The following UEVLD variants were observed in gnomAD, a reference collection of about 807,000 sequenced individuals.
The protein encoded by UEVLD is ubiquitin-conjugating enzyme E2 variant 3.
In UEVLD, 47 loss-of-function variants were observed where a neutral mutation model predicts 58.6. That is an observed-to-expected ratio of 0.80 (90% CI 0.63 to 1.02). The LOEUF is 1.02. UEVLD is among the 50% of genes least tolerant of loss of function. The pLI is 0.00. For synonymous variants in UEVLD, 197 were observed against 195.3 expected, an observed-to-expected ratio of 1.01 and a Z score of -0.07; for missense variants, 510 against 550.6, an observed-to-expected ratio of 0.93 and a Z score of 0.74.
intron 8 of UEVLD, among the ~76,000 whole-genome samples, chr11:18,545,486 C>G (rs1427988245): frequency 6.6e-6 from 1 of 151,938 alleles, no homozygotes; most frequent in African/African-American, 2.4e-5. Flanking sequence ...GCTCTGTCCC[C>G]CAGGCTGGAG....
chr11:18,532,759 C>T (rs1006274796), intron 11 of UEVLD, among the ~76,000 whole-genome samples: 4 of 152,200 alleles, frequency 2.6e-5, no homozygotes, highest in Admixed American at 6.5e-5. Context: ...GCTAGCCCCC[C>T]CTGCAATATG....
chr11:18,575,244 T>C, intron 3 of UEVLD, 103 bp downstream of exon 3: 1 of 1,251,740 alleles, frequency 8.0e-7, no homozygotes, highest in South Asian at 1.4e-5. Context: ...AGGTCATATA[T>C]CTGCAATAAT....
rs1850535528 is a variant in UEVLD, at chr11:18,530,834, T to G, written c.*1486A>C. On this transcript the variant is annotated 3_prime_UTR_variant, in exon 12 of 12. Coordinates refer to ENST00000396197, the MANE Select transcript of UEVLD (RefSeq NM_001040697.4). Reference sequence around the variant, plus strand: ...TCCACCTACCGGGTTCACGCCATTCTCTTGCCTCAGCCTTCCGAGTAGCTG... The same window carrying G: ...TCCACCTACCGGGTTCACGCCATTCGCTTGCCTCAGCCTTCCGAGTAGCTG... 6.6e-6 allele frequency: 1 copy of G among 152,030 alleles called. No homozygotes were observed. The highest frequency in any genetic ancestry group is 2.4e-5 in the African/African-American group (1 of 41,328). 9.4% of individuals were successfully genotyped at this position (152,030 alleles called of 1,614,324 possible).
At chr11:18,559,599 A>G (rs1851918206) in intron 6 of UEVLD, among the ~76,000 whole-genome samples, 1 of 152,136 alleles carries the variant, frequency 6.6e-6, no homozygotes, top group Non-Finnish European at 1.5e-5. Context: ...TGATGTTATC[A>G]TTTTCATTCT....
At chr11:18,577,181 C>T (rs1413859902) in intron 2 of UEVLD, among the ~76,000 whole-genome samples, 2 of 152,030 alleles carry the variant, frequency 1.3e-5, no homozygotes, top group Non-Finnish European at 2.9e-5. Context: ...GTGACTACGT[C>T]TCAACAAACC....
chr11:18,572,228 T>C (rs1385390326), intron 3 of UEVLD, among the ~76,000 whole-genome samples: 1 of 151,804 alleles, frequency 6.6e-6, no homozygotes, highest in Non-Finnish European at 1.5e-5. Context: ...AGTGCGAGAC[T>C]CCGTCTCAAA....
rs1018440263 is a variant in UEVLD at position 18,530,476 on chromosome 11, T to C, written c.*1844A>G. 4 of 152,226 alleles carry C rather than the reference T, an allele frequency of 2.6e-5. No homozygotes were observed. The highest frequency in any genetic ancestry group is 5.9e-5 in the Non-Finnish European group (4 of 68,028). 9.4% of individuals were successfully genotyped at this position (152,226 alleles called of 1,614,324 possible). A position where few individuals can be genotyped will look rare whatever the true frequency, so the allele number is the denominator to read the frequency against. ...CACTAAAACAGCATTAGTTTGCCTA[T>C]TTCCTCTTTACTAGGATGTGTCTGC... is the stretch of plus-strand genomic sequence containing the variant. On this transcript the variant is annotated 3_prime_UTR_variant, in exon 12 of 12. Coordinates refer to ENST00000396197, the MANE Select transcript of UEVLD (RefSeq NM_001040697.4).
At chr11:18,549,123 T>C (rs1851421905) in intron 7 of UEVLD, among the ~76,000 whole-genome samples, 1 of 152,204 alleles carries the variant, frequency 6.6e-6, no homozygotes, top group Non-Finnish European at 1.5e-5. Flanking sequence ...CTCAAAGTCA[T>C]AGAGCTGAAG....
At chr11:18,555,863 C>T (rs1052692244) in intron 7 of UEVLD, among the ~76,000 whole-genome samples, 3 of 151,966 alleles carry the variant, frequency 2.0e-5, no homozygotes, top group African/African-American at 4.8e-5. Flanking sequence ...GTGGGAGGAT[C>T]GCTTGAACCC....
chr11:18,541,460 C>T (rs1851050342), intron 9 of UEVLD, among the ~76,000 whole-genome samples: 1 of 152,180 alleles, frequency 6.6e-6, no homozygotes. Context: ...GAGTGTCTGG[C>T]ATCTAAGGGA....
At chr11:18,570,166 T>C (rs61884719) in intron 4 of UEVLD, 48 bp downstream of exon 4, 1 of 1,482,190 alleles carries the variant, frequency 6.7e-7, no homozygotes, top group Non-Finnish European at 9.1e-7. Flanking sequence ...ATGATAGGTA[T>C]TTAAAAAAAA....
At chr11:18,573,004 G>A (rs1035824981) in intron 3 of UEVLD, among the ~76,000 whole-genome samples, 3 of 152,042 alleles carry the variant, frequency 2.0e-5, no homozygotes, top group Non-Finnish European at 4.4e-5. Context: ...CTGATCAGCA[G>A]GAAATAATTA....
intron 5 of UEVLD, among the ~76,000 whole-genome samples, chr11:18,565,333 T>C (rs1325900138): frequency 6.6e-6 from 1 of 152,192 alleles, no homozygotes. Flanking sequence ...AATAAAAAAA[T>C]ATGTCTAACA....
chr11:18,581,919 T>C (rs1853259952), intron 1 of UEVLD, among the ~76,000 whole-genome samples: 2 of 152,112 alleles, frequency 1.3e-5, no homozygotes, highest in East Asian at 1.9e-4. Flanking sequence ...GTAATTATGA[T>C]CCACAGCACT....
intron 7 of UEVLD, among the ~76,000 whole-genome samples, chr11:18,555,004 C>T (rs895071848): frequency 1.3e-5 from 2 of 152,120 alleles, no homozygotes; most frequent in Non-Finnish European, 2.9e-5. Flanking sequence ...ATTACTTCAT[C>T]TAAGGATGGT....
intron 7 of UEVLD, among the ~76,000 whole-genome samples, chr11:18,556,579 C>A (rs1427005221): frequency 3.3e-5 from 5 of 152,084 alleles, no homozygotes; most frequent in Admixed American, 3.3e-4. Flanking sequence ...GAAAGCCAAA[C>A]AACTATAGCA....
At chr11:18,579,868 C>T (rs1401844904) in intron 1 of UEVLD, among the ~76,000 whole-genome samples, 2 of 151,926 alleles carry the variant, frequency 1.3e-5, no homozygotes, top group Admixed American at 6.6e-5. Context: ...ATAAATTTAA[C>T]AAGGTACAAT....
chr11:18,534,400 GA>G lies in UEVLD; in HGVS notation c.1177del (p.Ser393GlnfsTer2). On this transcript the variant is annotated frameshift_variant, in exon 11 of 12. Coordinates refer to ENST00000396197, the MANE Select transcript of UEVLD (RefSeq NM_001040697.4). LOFTEE classifies it high-confidence loss of function. ...AATACTGTCAACCATGTCAGCTACT[GA>G]TAGTCCAACAGACCAGGATCTTTGA... ...KGQRSWSVGL[S>X]VADMVDSIVN... 6.3e-7 allele frequency: 1 copy of G among 1,581,212 alleles called. No homozygotes were observed. Among genetic ancestry groups the G allele is most frequent in the Non-Finnish European group, 8.5e-7 (1 of 1,169,682 alleles).
chr11:18,548,829 G>C (rs1056368514), intron 7 of UEVLD, among the ~76,000 whole-genome samples: 1 of 152,210 alleles, frequency 6.6e-6, no homozygotes, highest in Admixed American at 6.5e-5. Flanking sequence ...CAGTTCTAGT[G>C]ATGGTAGATC....
Sources: allele counts gnomAD v4.1 joint callset (sites outside exome capture counted in the v4.1 genomes callset), GRCh38; gene constraint gnomAD v4.1.1; transcripts MANE v1.5; gene names NCBI Gene and HGNC (gene_info 2026-07-23, HGNC 2026-07-21).